REPIN1: variants seen among roughly 807,000 people sequenced by gnomAD.
REPIN1 encodes the protein replication initiator 1.
Under a neutral mutation model 5.7 loss-of-function variants are expected in REPIN1, and 4 were observed. The ratio of observed to expected loss-of-function variants is 0.71; its 90% confidence interval spans 0.35 to 1.62. REPIN1 has a LOEUF of 1.62. REPIN1 is among the 40% of genes most tolerant of loss of function. The pLI, the probability that REPIN1 is intolerant of heterozygous loss-of-function variation, is 0.05. For missense variants in REPIN1, 854 were observed against 901.0 expected, an observed-to-expected ratio of 0.95 and a Z score of 0.67; for synonymous variants, 410 against 386.2, an observed-to-expected ratio of 1.06 and a Z score of -0.72.
chr7:150,368,687 C>G (rs927317975), upstream of REPIN1: 12 of 224,110 alleles, frequency 5.4e-5, no homozygotes, highest in Middle Eastern at 1.4e-3. Context: ...TTGGCGGGGG[C>G]GCCCGCGCCC....
intron 2 of REPIN1, 49 bp downstream of exon 2, chr7:150,369,917 G>C (rs1349599357): frequency 1.3e-6 from 2 of 1,531,676 alleles, no homozygotes; most frequent in Non-Finnish European, 8.8e-7. Flanking sequence ...CAACAGGGGT[G>C]CACGGGCGTC....
upstream of REPIN1, chr7:150,368,764 C>T (rs1799103799): frequency 7.1e-6 from 2 of 283,674 alleles, no homozygotes; most frequent in Non-Finnish European, 1.3e-5. Flanking sequence ...CCCTCGGCAG[C>T]TCCTGTAGTC....
intron 2 of REPIN1, 103 bp from the exon 3 acceptor site, chr7:150,371,124 AG>A (rs770044032): frequency 2.3e-6 from 3 of 1,309,894 alleles, no homozygotes; most frequent in Non-Finnish European, 3.1e-6. Context: ...CCGGGGCTCT[AG>A]GGGTTCATAG....
rs763058642 is a variant in REPIN1 at position 150,372,331 on chromosome 7, C to G, written c.1261C>G (p.Pro421Ala). Residue 421 changes from proline to alanine, a missense_variant, in exon 3 of 3, where the codon CCG becomes GCG. Physicochemically the swap from Pro to Ala is conservative, Grantham distance 27. Transcript: ENST00000489432. ...EPPPGAPPEH[P>A]QDPIEAPPSL... ...GCCGCCAGGGGCCCCGCCAGAGCAC[C>G]CGCAGGACCCGATCGAAGCCCCCCC... 5.9e-6 allele frequency: 9 copies of G among 1,521,014 alleles called. No individual in the cohort carries two copies. The Admixed American group carries it at 1.0e-4, about 18-fold the overall frequency. The allele number at this position is 1,521,014 out of a possible 1,614,324, so 94.2% of individuals were successfully genotyped here.
chr7:150,369,046 G>T (rs529054255), intron 1 of REPIN1, 105 bp downstream of exon 1: 2 of 372,650 alleles, frequency 5.4e-6, no homozygotes, highest in Non-Finnish European at 9.6e-6. Flanking sequence ...GAGTGCGCGG[G>T]GGGGGACGCT....
Position 150,372,948 on chromosome 7 carries a change from C to G in REPIN1, c.*3C>G. ...ACCAGAAGAAGCACGATGTCTGAGA[C>G]GGTGGGCGGGGCCGTGTTGGCTGAG... On this transcript the variant is annotated 3_prime_UTR_variant, in exon 3 of 3. Transcript: ENST00000489432. 6.2e-7 allele frequency: 1 copy of G among 1,609,394 alleles called. No homozygotes were observed. Among genetic ancestry groups the G allele is most frequent in the Non-Finnish European group, 8.5e-7 (1 of 1,177,476 alleles).
chr7:150,371,123 T>C, intron 2 of REPIN1, 105 bp from the exon 3 acceptor site: 2 of 1,313,226 alleles, frequency 1.5e-6, no homozygotes, highest in Non-Finnish European at 2.0e-6. Flanking sequence ...TCCGGGGCTC[T>C]AGGGGTTCAT....
rs531081108 is a variant in REPIN1, at chr7:150,371,731, C to G, written c.661C>G (p.Leu221Val). The G allele has an allele frequency of 1.6e-5, 26 of 1,609,342 alleles. No homozygotes were observed. In the South Asian group the frequency reaches 2.4e-4, roughly 15 times the overall value. ...GCGACGAAAGCAGCTTCGAGCTCAT[C>G]TGCGGCGGTGCCACCCTCCCGCCCC... ...FWRRKQLRAH[L>V]RRCHPPAPEA... Residue 221 changes from leucine to valine, a missense_variant, in exon 3 of 3, where the codon CTG (leucine) becomes GTG (valine). Leu to Val is a conservative substitution (Grantham distance 32, BLOSUM62 1). Around this residue, in one of 5 missense-constraint regions of REPIN1, gnomAD observed 409 missense variants for 418.6 expected, o/e 0.98. Coordinates refer to ENST00000489432, the MANE Select transcript of REPIN1 (RefSeq NM_001099695.2).
Position 150,372,246 on chromosome 7 carries a change from C to T in REPIN1, c.1176C>T (p.Gly392=), listed in dbSNP as rs757504750. 5 of 1,538,114 alleles carry T rather than the reference C, an allele frequency of 3.3e-6. No individual in the cohort carries two copies. In the East Asian group the frequency reaches 9.6e-5, roughly 30 times the overall value. Residue 392 remains glycine (G), a synonymous_variant, in exon 3 of 3, where the codon GGC becomes GGT. Transcript: ENST00000489432. ...CGGGGAGCCCCCAGCTGCCAGCCGG[C>T]CCCCAGGAGTCCGCGGCCGAGCCCA... ...PGPGSPQLPA[G]PQESAAEPTP...
chr7:150,371,049 TA>T, intron 2 of REPIN1, 178 bp from the exon 3 acceptor site: 2 of 766,920 alleles, frequency 2.6e-6, no homozygotes, highest in Non-Finnish European at 2.0e-6. Flanking sequence ...AAATGTTATC[TA>T]AAAACCCAAG....
Position 150,372,802 on chromosome 7 carries a change from G to A in REPIN1, c.1732G>A (p.Asp578Asn), listed in dbSNP as rs1241577462. Reference protein sequence around the residue: ...GERPYACPDCDRSFSQKSNLI... With the variant: ...GERPYACPDCNRSFSQKSNLI... ...GCGGCCCTACGCCTGTCCCGACTGC[G>A]ACCGCAGCTTCAGCCAGAAGTCCAA... is the stretch of plus-strand genomic sequence containing the variant. The change falls in exon 3 of 3, where the codon GAC (aspartate) becomes AAC (asparagine). Residue 578 changes from aspartate to asparagine, a missense_variant. Physicochemically the swap from Asp to Asn is conservative, Grantham distance 23 (BLOSUM62 1). Transcript: ENST00000489432. 1 of 1,612,208 alleles carries A rather than the reference G, an allele frequency of 6.2e-7. No individual in the cohort carries two copies. The highest frequency in any genetic ancestry group is 8.5e-7 in the Non-Finnish European group (1 of 1,179,980).
chr7:150,373,566 A>T lies in REPIN1; in HGVS notation c.*621A>T. 1.8e-5 allele frequency: 3 copies of T among 169,292 alleles called. No individual in the cohort carries two copies. Among genetic ancestry groups the T allele is most frequent in the Admixed American group, 6.4e-5 (1 of 15,738 alleles). 10.5% of individuals were successfully genotyped at this position (169,292 alleles called of 1,614,324 possible). A position where few individuals can be genotyped will look rare whatever the true frequency, so the allele number is the denominator to read the frequency against. ...ATACTTCCATCCTCTTCCTTCCCAAAGAGCAGATCCCAAGGCATTTACTCC... is the reference window on the plus strand; with the variant it reads ...ATACTTCCATCCTCTTCCTTCCCAATGAGCAGATCCCAAGGCATTTACTCC... On this transcript the variant is annotated 3_prime_UTR_variant, in exon 3 of 3. Transcript: ENST00000489432.
chr7:150,371,722 C>G lies in REPIN1; in HGVS notation c.652C>G (p.Arg218Gly), dbSNP rs761434587. The G allele has an allele frequency of 6.2e-7, 1 of 1,608,660 alleles. No individual in the cohort carries two copies. The stretch of plus-strand genomic sequence containing the variant: ...ACGCTTCTGGCGACGAAAGCAGCTT[C>G]GAGCTCATCTGCGGCGGTGCCACCC... ...ERRFWRRKQL[R>G]AHLRRCHPPA... Residue 218 changes from arginine (R) to glycine (G), a missense_variant, in exon 3 of 3, where the codon CGA becomes GGA. By Grantham distance (125) the Arg-to-Gly change is moderately radical. Transcript: ENST00000489432.
chr7:150,369,559 G>A (rs371014563), intron 1 of REPIN1, 112 bp from the exon 2 acceptor site: 5 of 884,678 alleles, frequency 5.7e-6, no homozygotes, highest in South Asian at 1.4e-5. Flanking sequence ...TGGGGCTTAT[G>A]GCTGGTGCGT....
chr7:150,371,846 A>G lies in REPIN1; in HGVS notation c.776A>G (p.Glu259Gly). ...GCCCACAAGCGGGTGCACGTAGCTGAGGCCCTGGAGGAGGCCGCAGCCAAG... is the reference window on the plus strand; with the variant it reads ...GCCCACAAGCGGGTGCACGTAGCTGGGGCCCTGGAGGAGGCCGCAGCCAAG... ...LVAHKRVHVA[E>G]ALEEAAAKAL... is the part of the protein sequence containing the mutation. The change falls in exon 3 of 3, where the codon GAG (glutamate) becomes GGG (glycine). Residue 259 changes from glutamate to glycine, a missense_variant. By Grantham distance (98) the Glu-to-Gly change is moderately conservative. Coordinates refer to ENST00000489432, the MANE Select transcript of REPIN1 (RefSeq NM_001099695.2). 1 of 1,605,996 alleles carries G rather than the reference A, an allele frequency of 6.2e-7. No individual in the cohort carries two copies. Among genetic ancestry groups the G allele is most frequent in the South Asian group, 1.1e-5 (1 of 90,364 alleles).
rs1211165648 is a variant in REPIN1, at chr7:150,370,511, C to A, written c.157+643C>A. ...CCCGAGAAGGGCTGTTCTCACTTGT[C>A]CTCCAGCCTCCTACGGAGACTGCAG... On this transcript the variant is annotated intron_variant, in intron 2 of 2. Transcript: ENST00000489432. The A allele has an allele frequency of 3.5e-5, 18 of 516,940 alleles. No individual in the cohort carries two copies. In the Admixed American group the frequency reaches 5.9e-4, roughly 17 times the overall value. The allele number at this position is 516,940 out of a possible 1,614,324, so 32.0% of individuals were successfully genotyped here. A position where few individuals can be genotyped will look rare whatever the true frequency, so the allele number is the denominator to read the frequency against.
chr7:150,372,651 C>T lies in REPIN1; in HGVS notation c.1581C>T (p.His527=). 5 of 1,611,222 alleles carry T rather than the reference C, an allele frequency of 3.1e-6. No individual in the cohort carries two copies. In the African/African-American group the frequency reaches 5.3e-5, roughly 17 times the overall value. Residue 527 remains histidine, a synonymous_variant, in exon 3 of 3, where the codon CAC becomes CAT. Coordinates refer to ENST00000489432, the MANE Select transcript of REPIN1 (RefSeq NM_001099695.2). ...CCGACTGCGGCAAGGCCTTCCGCCA[C>T]AAACCCTACCTGGCGGCGCACCGGC... ...VCPDCGKAFR[H]KPYLAAHRRI... is the part of the protein sequence containing the mutation.
At chr7:150,368,601 C>A (rs1257888710), upstream of REPIN1, among the ~76,000 whole-genome samples, 1 of 152,054 alleles carries the variant, frequency 6.6e-6, no homozygotes, top group Non-Finnish European at 1.5e-5. Context: ...GGCTGGTGGT[C>A]GCCATGGCAA....
chr7:150,369,379 C>T (rs991772009), intron 1 of REPIN1: 1 of 428,892 alleles, frequency 2.3e-6, no homozygotes, highest in Non-Finnish European at 4.4e-6. Context: ...CATAGGCCGG[C>T]CTTTGGCCAT....
Sources: gnomAD v4.1 joint callset for allele counts (sites outside exome capture counted in the v4.1 genomes callset) on GRCh38, gnomAD v4.1.1 for gene constraint, gnomAD v4.1.1 regional missense constraint, MANE v1.5 for transcripts, NCBI Gene and HGNC (gene_info 2026-07-23, HGNC 2026-07-21) for gene names.